Variants in CPSF2 observed in about 807,000 individuals in gnomAD.
CPSF2 encodes the protein cleavage and polyadenylation specificity factor subunit 2.
CPSF2 carries 51 observed loss-of-function variants against 84.2 expected under a neutral mutation model. The ratio of observed to expected loss-of-function variants is 0.61; its 90% CI spans 0.48 to 0.77. The LOEUF (loss-of-function observed/expected upper bound fraction) is 0.77, where lower values mean the gene tolerates loss of function less well. Among genes scored for constraint, CPSF2 ranks in the 30% least tolerant of loss-of-function variants. The pLI is 0.00. For missense variants in CPSF2, 641 were observed against 929.4 expected (o/e 0.69, Z 4.03); for synonymous variants, 286 against 311.9 (o/e 0.92, Z 0.87).
At chr14:92,146,481 A>G (rs2069145831) in intron 9 of CPSF2, among the ~76,000 whole-genome samples, 1 of 152,208 alleles carries the variant, frequency 6.6e-6, no homozygotes, top group Non-Finnish European at 1.5e-5. Flanking sequence ...GGATCGCGCC[A>G]CTGCACTCCA....
rs1376448252 is a variant in CPSF2 at position 92,157,735 on chromosome 14, C to T, written c.1672C>T (p.Pro558Ser). The T allele has an allele frequency of 3.1e-6, 5 of 1,613,998 alleles. No homozygotes were observed. The highest frequency in any genetic ancestry group is 4.2e-6 in the Non-Finnish European group (5 of 1,179,952). Residue 558 changes from proline to serine, a missense_variant, in exon 13 of 16, where the codon CCA becomes TCA. By Grantham distance (74) the Pro-to-Ser change is moderately conservative. This residue lies in a region of CPSF2 where 430 missense variants were observed against 553.6 expected (regional missense o/e 0.78). Transcript: ENST00000298875. This position sits in a 1 kb window ranked among gnomAD's most constrained non-coding sequence, Gnocchi z 4.0. ...SIKKIINQMK[P>S]RQLIIVHGPP... ...TAAAAAAATCATTAATCAGATGAAA[C>T]CACGACAGTTGATCATCGTCCATGG...
intron 14 of CPSF2, 80 bp from the exon 15 acceptor site, chr14:92,161,032 T>C: frequency 7.8e-6 from 10 of 1,286,674 alleles, no homozygotes; most frequent in Non-Finnish European, 8.7e-6. Flanking sequence ...AGAGATAATG[T>C]AGTATTTTAC....
chr14:92,154,975 G>A, intron 10 of CPSF2, 148 bp from the exon 11 acceptor site: 1 of 597,634 alleles, frequency 1.7e-6, no homozygotes, highest in African/African-American at 1.9e-5. Context: ...TGTATATGTG[G>A]TCTATTGTTG....
At position 92,164,503 on chromosome 14, in the gene CPSF2, A is replaced by T. The variant is rs549168908; in HGVS notation, c.*2759A>T. 2 of 152,408 alleles carry T rather than the reference A, an allele frequency of 1.3e-5. No individual in the cohort carries two copies. Among genetic ancestry groups the T allele is most frequent in the East Asian group, 3.9e-4 (2 of 5,194 alleles). The allele number at this position is 152,408 out of a possible 1,614,324, so 9.4% of individuals were successfully genotyped here. ...GAACTCAGTGGAATTTTCAGATGAG[A>T]TGGGGCGCGTTCAGGGTGGTATGAC... On this transcript the variant is annotated 3_prime_UTR_variant, in exon 16 of 16. Coordinates refer to ENST00000298875, the MANE Select transcript of CPSF2 (RefSeq NM_017437.3).
intron 9 of CPSF2, among the ~76,000 whole-genome samples, chr14:92,145,566 A>G (rs1199639261): frequency 6.6e-6 from 1 of 152,262 alleles, no homozygotes; most frequent in Non-Finnish European, 1.5e-5. Flanking sequence ...ATTCTGAGCA[A>G]GTATAGCAAA....
intron 2 of CPSF2, among the ~76,000 whole-genome samples, chr14:92,130,259 C>T (rs2068899268): frequency 6.6e-6 from 1 of 151,318 alleles, no homozygotes; most frequent in African/African-American, 2.4e-5. Flanking sequence ...TGTATATGTA[C>T]TCTTGTTTTT....
intron 9 of CPSF2, among the ~76,000 whole-genome samples, chr14:92,152,559 T>C (rs1291156886): frequency 6.6e-6 from 1 of 152,068 alleles, no homozygotes; most frequent in African/African-American, 2.4e-5. Flanking sequence ...CTGCCTCAGC[T>C]TCCTGGGTAA....
At chr14:92,132,028 CA>C (rs1421341107) in intron 3 of CPSF2, among the ~76,000 whole-genome samples, 1 of 152,078 alleles carries the variant, frequency 6.6e-6, no homozygotes, top group Non-Finnish European at 1.5e-5. Context: ...ATTCAATTAG[CA>C]AAACTGTCTG....
chr14:92,159,613 G>A (rs1054733063), intron 14 of CPSF2, among the ~76,000 whole-genome samples: 20 of 152,132 alleles, frequency 1.3e-4, no homozygotes, highest in African/African-American at 4.8e-4. Context: ...CTTGAGCTCA[G>A]GAGTTCGAGA....
chr14:92,156,615 G>C lies in CPSF2; in HGVS notation c.1579G>C (p.Glu527Gln). ...DVPTKCISTT[E>Q]SIEIKARVTY... is the part of the protein sequence containing the mutation. ...TCCTACTAAATGTATTTCTACAACA[G>C]AGTCTATTGAAATAAAGTAAGTGCT... The change falls in exon 12 of 16, where the codon GAG becomes CAG. Residue 527 changes from glutamate (E) to glutamine (Q), a missense_variant. Coordinates refer to ENST00000298875, the MANE Select transcript of CPSF2 (RefSeq NM_017437.3). 6.3e-7 allele frequency: 1 copy of C among 1,576,958 alleles called. No individual in the cohort carries two copies. Among genetic ancestry groups the C allele is most frequent in the Non-Finnish European group, 8.6e-7 (1 of 1,160,268 alleles).
chr14:92,139,348 C>T (rs1207231166), intron 7 of CPSF2, among the ~76,000 whole-genome samples: 4 of 151,208 alleles, frequency 2.6e-5, no homozygotes, highest in Admixed American at 2.0e-4. Flanking sequence ...ACCCGGAAGG[C>T]GGAGCTTGCA....
chr14:92,156,752 T>A, intron 12 of CPSF2, 121 bp downstream of exon 12: 1 of 625,804 alleles, frequency 1.6e-6, no homozygotes, highest in Non-Finnish European at 2.4e-6. Context: ...TTTGTGCTTT[T>A]AAAATTTATT....
In CPSF2 at chr14:92,154,565, A is replaced by G. The variant is rs2069264357; in HGVS notation, c.1241+107A>G. 6.9e-6 allele frequency: 5 copies of G among 721,814 alleles called. No homozygotes were observed. In the East Asian group the frequency reaches 1.4e-4, roughly 20 times the overall value. The allele number at this position is 721,814 out of a possible 1,614,324, so 44.7% of individuals were successfully genotyped here. On this transcript the variant is annotated intron_variant, in intron 10 of 15. Coordinates refer to ENST00000298875, the MANE Select transcript of CPSF2 (RefSeq NM_017437.3). ...ATATTTTTAAATTTTCGTAAGACTT[A>G]ATTTTGTTACAGACATCTTTCAAAT...
chr14:92,124,580 G>A (rs1261113393), intron 1 of CPSF2, among the ~76,000 whole-genome samples: 1 of 152,118 alleles, frequency 6.6e-6, no homozygotes, highest in Non-Finnish European at 1.5e-5. Flanking sequence ...TGCACTTTAG[G>A]GGTGACAACA....
At chr14:92,154,979 A>G (rs1009384201) in intron 10 of CPSF2, 144 bp from the exon 11 acceptor site, 12 of 607,824 alleles carry the variant, frequency 2.0e-5, no homozygotes, top group Non-Finnish European at 3.1e-5. Flanking sequence ...TATGTGGTCT[A>G]TTGTTGTTGA....
chr14:92,158,917 T>G, intron 13 of CPSF2, 66 bp from the exon 14 acceptor site: 1 of 1,360,102 alleles, frequency 7.4e-7, no homozygotes, highest in Non-Finnish European at 1.0e-6. Flanking sequence ...TGATAATAGG[T>G]TATATTTAAT....
In CPSF2 at chr14:92,143,222, C is replaced by T. The variant is rs2069101663; in HGVS notation, c.1068C>T (p.Thr356=). ...CQDPKNSIIL[T]YRTTPGTLAR... ...ACCCTAAAAACTCAATCATTCTAAC[C>T]TACAGAACTACTCCTGGGACTTTAG... The change falls in exon 9 of 16, where the codon ACC becomes ACT. Residue 356 remains threonine, a synonymous_variant. Coordinates refer to ENST00000298875, the MANE Select transcript of CPSF2 (RefSeq NM_017437.3). 6.2e-7 allele frequency: 1 copy of T among 1,613,492 alleles called. No individual in the cohort carries two copies. The highest frequency in any genetic ancestry group is 8.5e-7 in the Non-Finnish European group (1 of 1,179,488).
intron 3 of CPSF2, among the ~76,000 whole-genome samples, chr14:92,131,432 C>T (rs917831482): frequency 1.1e-4 from 17 of 152,154 alleles, no homozygotes; most frequent in African/African-American, 3.9e-4. Context: ...GAAACATTTT[C>T]CATGTGAAAG....
intron 2 of CPSF2, among the ~76,000 whole-genome samples, chr14:92,128,476 C>T (rs938586697): frequency 2.0e-5 from 3 of 152,134 alleles, no homozygotes; most frequent in South Asian, 2.1e-4. Flanking sequence ...AGTGAGACTC[C>T]GTCTCAAAAA....
Sources: gnomAD v4.1 joint callset for allele counts (sites outside exome capture counted in the v4.1 genomes callset) on GRCh38, gnomAD v4.1.1 for gene constraint, gnomAD v4.1.1 regional missense constraint, Gnocchi (gnomAD v3.1) non-coding constraint, MANE v1.5 for transcripts, NCBI Gene and HGNC (gene_info 2026-07-23, HGNC 2026-07-21) for gene names.